The following SDK1 variants were observed in gnomAD, a reference collection of about 807,000 sequenced individuals.
The protein encoded by SDK1 is protein sidekick-1.
SDK1 carries 157 observed loss-of-function variants against 245.5 expected under a neutral mutation model. The observed-to-expected ratio is 0.64, with a 90% CI of 0.56 to 0.73. The LOEUF (loss-of-function observed/expected upper bound fraction) is 0.73, where lower values mean the gene tolerates loss of function less well. Ranked by LOEUF, SDK1 falls within the 30% of genes least tolerant of loss-of-function variation. The probability of loss-of-function intolerance (pLI) is 0.00; values close to 1 mark genes in which losing one functional copy is unlikely to be tolerated. For missense variants in SDK1, 3,583 were observed against 3,002.3 expected (o/e 1.19, Z -4.52); for synonymous variants, 1,647 against 1,278.5 (o/e 1.29, Z -6.15).
At chr7:3,936,863 A>C (rs1780180103) in intron 5 of SDK1, among the ~76,000 whole-genome samples, 1 of 151,988 alleles carries the variant, frequency 6.6e-6, no homozygotes, top group East Asian at 1.9e-4. Context: ...AGGGGTGGGG[A>C]CGAGTTAGGA....
intron 5 of SDK1, among the ~76,000 whole-genome samples, chr7:3,860,333 C>A: frequency 6.6e-6 from 1 of 151,564 alleles, no homozygotes; most frequent in Non-Finnish European, 1.5e-5. Context: ...CGAAAAAAGA[C>A]AATGAAAAAA....
chr7:3,534,916 C>T (rs766311077), intron 1 of SDK1, among the ~76,000 whole-genome samples: 1 of 152,154 alleles, frequency 6.6e-6, no homozygotes, highest in Non-Finnish European at 1.5e-5. Flanking sequence ...GCAGACAAGA[C>T]AGCGCCAGTC....
At chr7:3,736,819 T>C (rs1215647229) in intron 4 of SDK1, among the ~76,000 whole-genome samples, 1 of 152,226 alleles carries the variant, frequency 6.6e-6, no homozygotes, top group African/African-American at 2.4e-5. Context: ...TCTACTTTTC[T>C]AACAAACTTC....
intron 1 of SDK1, among the ~76,000 whole-genome samples, chr7:3,402,961 T>C (rs144665769): frequency 6.6e-6 from 1 of 151,586 alleles, no homozygotes; most frequent in Non-Finnish European, 1.5e-5. Flanking sequence ...TTCTTTCTTT[T>C]TTTGAGACAG....
At chr7:4,008,762 A>G (rs1785702525) in intron 14 of SDK1, among the ~76,000 whole-genome samples, 1 of 152,230 alleles carries the variant, frequency 6.6e-6, no homozygotes, top group Non-Finnish European at 1.5e-5. Flanking sequence ...TAAATTAAAG[A>G]ATAAAAGATT....
At chr7:3,323,090 A>G (rs536599108) in intron 1 of SDK1, among the ~76,000 whole-genome samples, 4 of 152,160 alleles carry the variant, frequency 2.6e-5, no homozygotes, top group South Asian at 2.1e-4. Context: ...GCGTGAACCA[A>G]TGCACCAGAC....
chr7:3,509,988 G>A (rs1002480146), intron 1 of SDK1, among the ~76,000 whole-genome samples: 3 of 152,132 alleles, frequency 2.0e-5, no homozygotes, highest in African/African-American at 7.2e-5. Context: ...GTGGGTGGGG[G>A]CCAAGGACTT....
intron 5 of SDK1, among the ~76,000 whole-genome samples, chr7:3,843,912 A>C (rs576270700): frequency 1.3e-5 from 2 of 152,352 alleles, no homozygotes; most frequent in East Asian, 3.8e-4. Context: ...ATGTTGATCA[A>C]ACATTTTCTT....
chr7:3,918,019 T>G (rs897723573), intron 5 of SDK1, among the ~76,000 whole-genome samples: 4 of 152,328 alleles, frequency 2.6e-5, no homozygotes, highest in African/African-American at 9.6e-5. Context: ...AAGGGCCTTA[T>G]GTGTAATTCA....
At chr7:3,633,685 T>C (rs1275826014) in intron 2 of SDK1, among the ~76,000 whole-genome samples, 1 of 152,244 alleles carries the variant, frequency 6.6e-6, no homozygotes, top group African/African-American at 2.4e-5. Flanking sequence ...CTAGTAACTT[T>C]AGAATATATT....
intron 4 of SDK1, among the ~76,000 whole-genome samples, chr7:3,802,470 G>C (rs1779131491): frequency 6.6e-6 from 1 of 152,100 alleles, no homozygotes. Flanking sequence ...GGGAGGTCAA[G>C]GCTGCAGTGA....
chr7:3,610,027 C>T (rs139346818), intron 1 of SDK1, among the ~76,000 whole-genome samples: 1 of 152,160 alleles, frequency 6.6e-6, no homozygotes, highest in Non-Finnish European at 1.5e-5. Flanking sequence ...ACCCAGGGCT[C>T]CAAAGTACTT....
rs185896043 is a variant in SDK1, at chr7:3,495,704, A to G, written c.299-123376A>G. On this transcript the variant is annotated intron_variant, in intron 1 of 44. Transcript: ENST00000404826. ...CCGTGTGGTTCCTGCGTCAGTCTTC[A>G]GTGTTAGCTCCCTCCCTGCCCTCTC... Among the ~76,000 whole-genome samples, 78 of 152,336 alleles carry G rather than the reference A, an allele frequency of 5.1e-4. 1 individual carries two copies. The highest frequency in any genetic ancestry group is 1.7e-3 in the African/African-American group (71 of 41,580).
At chr7:3,885,461 T>C (rs954483814) in intron 5 of SDK1, among the ~76,000 whole-genome samples, 3 of 152,150 alleles carry the variant, frequency 2.0e-5, no homozygotes, top group Admixed American at 2.0e-4. Flanking sequence ...TTGTACGTTA[T>C]TATCCCTGTG....
intron 5 of SDK1, among the ~76,000 whole-genome samples, chr7:3,846,341 G>A (rs547317119): frequency 8.5e-5 from 13 of 152,274 alleles, no homozygotes; most frequent in African/African-American, 2.6e-4. Context: ...TCTAAGGTGT[G>A]CATTCTAAAT....
At chr7:4,184,319 C>T (rs528213444) in intron 35 of SDK1, among the ~76,000 whole-genome samples, 1 of 152,290 alleles carries the variant, frequency 6.6e-6, no homozygotes, top group Non-Finnish European at 1.5e-5. Flanking sequence ...CTGTTTACTG[C>T]CTGTGTGACC....
intron 32 of SDK1, among the ~76,000 whole-genome samples, chr7:4,168,096 C>G (rs547201081): frequency 6.6e-6 from 1 of 152,350 alleles, no homozygotes; most frequent in East Asian, 1.9e-4. Context: ...GCCCGGGCAT[C>G]TCTGTGAAGC....
chr7:4,102,336 G>A (rs117953371), intron 22 of SDK1, among the ~76,000 whole-genome samples: 1,695 of 152,250 alleles, frequency 0.011, 38 homozygotes, highest in South Asian at 0.045. Context: ...CAGAAGCAGG[G>A]GTACTCAGTG....
chr7:4,162,596 C>T (rs1246535021), intron 32 of SDK1, among the ~76,000 whole-genome samples: 2 of 151,930 alleles, frequency 1.3e-5, no homozygotes, highest in Non-Finnish European at 2.9e-5. Context: ...GATGGGGTTT[C>T]ACCATGTTGA....
Sources: gnomAD v4.1 joint callset for allele counts (sites outside exome capture counted in the v4.1 genomes callset) on GRCh38, gnomAD v4.1.1 for gene constraint, MANE v1.5 for transcripts, NCBI Gene and HGNC (gene_info 2026-07-23, HGNC 2026-07-21) for gene names.